Variants in DNAH14 observed in about 807,000 individuals in gnomAD.
DNAH14 encodes the protein dynein axonemal heavy chain 14.
In DNAH14, 478 loss-of-function variants were observed where a neutral mutation model predicts 520.9. That is an observed-to-expected ratio of 0.92 (90% CI 0.85 to 0.99). DNAH14 has a LOEUF of 0.99. DNAH14 is among the 50% of genes least tolerant of loss of function. DNAH14 has a pLI of 0.00. For synonymous variants in DNAH14, 1,581 were observed against 1,757.2 expected, an observed-to-expected ratio of 0.90 and a Z score of 2.51; for missense variants, 4,831 against 5,234.5, an observed-to-expected ratio of 0.92 and a Z score of 2.38.
intron 77 of DNAH14, among the ~76,000 whole-genome samples, chr1:225,368,948 C>T (rs2095584679): frequency 6.6e-6 from 1 of 152,082 alleles, no homozygotes; most frequent in Non-Finnish European, 1.5e-5. Flanking sequence ...CTCAAGTACG[C>T]TTCTGTCAAG....
At chr1:225,106,673 G>A (rs12061133) in intron 23 of DNAH14, among the ~76,000 whole-genome samples, 7,187 of 152,042 alleles carry the variant, frequency 0.047, 492 homozygotes, top group African/African-American at 0.15. Context: ...TGATTGAATC[G>A]GCTACTGAGG....
Position 225,380,127 on chromosome 1 carries a change from G to A in DNAH14, c.12717-32G>A, listed in dbSNP as rs914507812. On this transcript the variant is annotated intron_variant, in intron 79 of 85. Transcript: ENST00000682510. ...TCCCCATCTCCCCACTTCCTGTTCT[G>A]TGTCTCATTCTTCTCTTGGTTTTTT... is the stretch of plus-strand genomic sequence containing the variant. 6.5e-6 allele frequency: 10 copies of A among 1,535,356 alleles called. No homozygotes were observed. The African/African-American group carries it at 1.4e-4, about 21-fold the overall frequency.
At position 225,230,991 on chromosome 1, in the gene DNAH14, G is replaced by A. The variant is rs891064350; in HGVS notation, c.6440-82G>A. 20 of 874,344 alleles carry A rather than the reference G, an allele frequency of 2.3e-5. 1 individual carries two copies. The highest frequency in any genetic ancestry group is 3.1e-5 in the Non-Finnish European group (18 of 574,534). 54.2% of individuals were successfully genotyped at this position (874,344 alleles called of 1,614,324 possible). A position where few individuals can be genotyped will look rare whatever the true frequency, so the allele number is the denominator to read the frequency against. The stretch of plus-strand genomic sequence containing the variant: ...TATGATAATTCACTAACTAAACAAT[G>A]TTAAAGGTTAAACCTCATTAGTTTA... On this transcript the variant is annotated intron_variant, in intron 41 of 85. Coordinates refer to ENST00000682510, the MANE Select transcript of DNAH14 (RefSeq NM_001367479.1).
intron 85 of DNAH14, 78 bp downstream of exon 85, chr1:225,398,744 A>G: frequency 3.4e-6 from 5 of 1,481,962 alleles, no homozygotes; most frequent in Non-Finnish European, 4.5e-6. Flanking sequence ...TCTTATTCCC[A>G]TTCCCTACAA....
Position 225,080,763 on chromosome 1 carries a change from C to T in DNAH14, c.3136+15C>T, listed in dbSNP as rs767157743. 17 of 1,489,786 alleles carry T rather than the reference C, an allele frequency of 1.1e-5. No homozygotes were observed. Among genetic ancestry groups the T allele is most frequent in the Non-Finnish European group, 1.4e-5 (16 of 1,118,828 alleles). The allele number at this position is 1,489,786 out of a possible 1,614,324, so 92.3% of individuals were successfully genotyped here. A position where few individuals can be genotyped will look rare whatever the true frequency, so the allele number is the denominator to read the frequency against. Reference sequence around the variant, plus strand: ...ACTAGAAAAAGGTAAAAATGTGTTTCTCAAATTTTCCCACCTAGGTCTATA... The same window carrying T: ...ACTAGAAAAAGGTAAAAATGTGTTTTTCAAATTTTCCCACCTAGGTCTATA... On this transcript the variant is annotated intron_variant, in intron 19 of 85. Transcript: ENST00000682510.
At chr1:225,145,482 A>G (rs577017114) in intron 30 of DNAH14, 103 bp downstream of exon 30, 4 of 927,982 alleles carry the variant, frequency 4.3e-6, no homozygotes. Flanking sequence ...TCTGAGACAA[A>G]CATCAAGTAT....
chr1:225,098,935 C>G (rs554716689), intron 22 of DNAH14, among the ~76,000 whole-genome samples: 1 of 152,202 alleles, frequency 6.6e-6, no homozygotes, highest in East Asian at 1.9e-4. Context: ...GTGGATCTGC[C>G]TTTGAGTAAT....
At chr1:225,277,964 TATTA>T (rs1574475633) in intron 54 of DNAH14, among the ~76,000 whole-genome samples, 1 of 152,244 alleles carries the variant, frequency 6.6e-6, no homozygotes, top group African/African-American at 2.4e-5. Context: ...ACATAAAGCA[TATTA>T]ATTATTTTTA....
At chr1:225,069,148 G>A (rs1221828042) in intron 17 of DNAH14, among the ~76,000 whole-genome samples, 2 of 152,158 alleles carry the variant, frequency 1.3e-5, no homozygotes, top group African/African-American at 4.8e-5. Context: ...ATCGGATCAT[G>A]CCATCTGCAA....
chr1:225,363,572 G>A (rs2095517406), intron 75 of DNAH14, among the ~76,000 whole-genome samples: 1 of 152,048 alleles, frequency 6.6e-6, no homozygotes. Context: ...GTCTGCCTTT[G>A]TCTTTCGTAA....
intron 20 of DNAH14, among the ~76,000 whole-genome samples, chr1:225,083,409 AAAAC>A (rs2073370277): frequency 1.3e-5 from 2 of 152,186 alleles, no homozygotes; most frequent in Non-Finnish European, 2.9e-5. Flanking sequence ...AATTTTTTAA[AAAAC>A]AACTTTTGTT....
At chr1:224,997,264 A>G (rs2063455397) in intron 8 of DNAH14, among the ~76,000 whole-genome samples, 1 of 152,128 alleles carries the variant, frequency 6.6e-6, no homozygotes, top group Non-Finnish European at 1.5e-5. Context: ...CTTGGGAAGC[A>G]TATCAGAATG....
In DNAH14 at chr1:225,117,909, T is replaced by C; in HGVS notation, c.4001T>C (p.Ile1334Thr). 1 of 1,550,572 alleles carries C rather than the reference T, an allele frequency of 6.4e-7. No homozygotes were observed. Among genetic ancestry groups the C allele is most frequent in the Non-Finnish European group, 8.7e-7 (1 of 1,146,350 alleles). Residue 1334 changes from isoleucine to threonine, a missense_variant, in exon 25 of 86, where the codon ATA becomes ACA. Coordinates refer to ENST00000682510, the MANE Select transcript of DNAH14 (RefSeq NM_001367479.1). ...CATCTTGTGAAATGCTTTGAAAATA[T>C]AAAACAATTATTGATATGGAAACAA... Reference protein sequence around the residue: ...QPHLVKCFENIKQLLIWKQDI... With the variant: ...QPHLVKCFENTKQLLIWKQDI...
At chr1:225,107,226 A>G (rs979733691) in intron 23 of DNAH14, among the ~76,000 whole-genome samples, 1 of 152,162 alleles carries the variant, frequency 6.6e-6, no homozygotes, top group Non-Finnish European at 1.5e-5. Flanking sequence ...CTGCCTGATC[A>G]TTCCTCTGGA....
intron 1 of DNAH14, among the ~76,000 whole-genome samples, chr1:224,942,091 C>T (rs1300038619): frequency 6.6e-6 from 1 of 152,100 alleles, no homozygotes; most frequent in Non-Finnish European, 1.5e-5. Context: ...CTATAAATTA[C>T]CTTGGGCAGT....
rs553805845 is a variant in DNAH14 at position 224,967,417 on chromosome 1, T to C, written c.499-14T>C. The C allele has an allele frequency of 4.2e-4, 643 of 1,517,120 alleles. 4 individuals are homozygous for C. In the African/African-American group the frequency reaches 8.1e-3, roughly 19 times the overall value. 94.0% of individuals were successfully genotyped at this position (1,517,120 alleles called of 1,614,324 possible). A position where few individuals can be genotyped will look rare whatever the true frequency, so the allele number is the denominator to read the frequency against. ...ATTAATTAAATTTGTTTATTATTTT[T>C]TTTTTAATCTCAGAAACCTTTGGAA... On this transcript the variant is annotated splice_polypyrimidine_tract_variant and intron_variant, in intron 5 of 85. Coordinates refer to ENST00000682510, the MANE Select transcript of DNAH14 (RefSeq NM_001367479.1).
At chr1:225,372,638 A>T (rs542141131) in intron 77 of DNAH14, among the ~76,000 whole-genome samples, 1 of 152,352 alleles carries the variant, frequency 6.6e-6, no homozygotes, top group South Asian at 2.1e-4. Flanking sequence ...AGGAGATTAC[A>T]TGTACAATCT....
chr1:225,198,728 G>A (rs139764970), intron 38 of DNAH14, among the ~76,000 whole-genome samples: 51 of 152,160 alleles, frequency 3.4e-4, no homozygotes, highest in African/African-American at 1.2e-3. Context: ...ATATGTTGTT[G>A]GATTCAGTTA....
intron 65 of DNAH14, among the ~76,000 whole-genome samples, chr1:225,331,885 C>T (rs1399295133): frequency 1.3e-5 from 2 of 152,086 alleles, no homozygotes; most frequent in Non-Finnish European, 2.9e-5. Context: ...TTTTCTAGCA[C>T]TGGGAGAACC....
Sources: allele counts gnomAD v4.1 joint callset (sites outside exome capture counted in the v4.1 genomes callset), GRCh38; gene constraint gnomAD v4.1.1; transcripts MANE v1.5; gene names NCBI Gene and HGNC (gene_info 2026-07-23, HGNC 2026-07-21).